Variants in GAN observed in about 807,000 individuals in gnomAD.
GAN encodes epididymis secretory sperm binding protein.
Under a neutral mutation model 71.3 loss-of-function variants are expected in GAN, and 48 were observed. That is an observed-to-expected ratio of 0.67 (90% confidence interval 0.53 to 0.86). The LOEUF is 0.86. Ranked by LOEUF, GAN falls within the 40% of genes least tolerant of loss-of-function variation. The pLI, the probability that GAN is intolerant of heterozygous loss-of-function variation, is 0.00. For synonymous variants in GAN, 386 were observed against 276.8 expected (o/e 1.39, Z -3.92); for missense variants, 928 against 770.1 (o/e 1.21, Z -2.43).
Position 81,353,613 on chromosome 16 carries a change from C to T in GAN, c.283-792C>T, listed in dbSNP as rs538587477. 9.9e-5 allele frequency among the ~76,000 whole-genome samples: 15 copies of T among 152,264 alleles called. 1 individual carries two copies. In the South Asian group the frequency reaches 3.1e-3, roughly 32 times the overall value. On this transcript the variant is annotated intron_variant, in intron 2 of 10. Coordinates refer to ENST00000648994, the MANE Select transcript of GAN (RefSeq NM_022041.4). ...TTGCTATACTCCTCATGAAGTCTCC[C>T]TTGCATTTGCGAATGTGGGTGAAGT...
chr16:81,317,099 C>T (rs1018591311), intron 1 of GAN, among the ~76,000 whole-genome samples: 1 of 152,200 alleles, frequency 6.6e-6, no homozygotes, highest in Non-Finnish European at 1.5e-5. Flanking sequence ...CCTCGTGATC[C>T]GCCCACCTCG....
At chr16:81,357,117 T>C in intron 4 of GAN, 115 bp downstream of exon 4, 1 of 783,546 alleles carries the variant, frequency 1.3e-6, no homozygotes, top group Admixed American at 1.9e-5. Context: ...TTGATTTTTT[T>C]TTTTATACTT....
At chr16:81,353,713 G>C (rs1910384191) in intron 2 of GAN, among the ~76,000 whole-genome samples, 1 of 152,062 alleles carries the variant, frequency 6.6e-6, no homozygotes, top group African/African-American at 2.4e-5. Context: ...ATGCTTTGGA[G>C]CACTGTGAAG....
intron 9 of GAN, among the ~76,000 whole-genome samples, chr16:81,372,990 A>G (rs1478644496): frequency 6.6e-6 from 1 of 152,198 alleles, no homozygotes; most frequent in Non-Finnish European, 1.5e-5. Context: ...TGTTAGTTGA[A>G]TCAAATGTAG....
Position 81,389,558 on chromosome 16 carries a change from C to G in GAN, c.*11962C>G, listed in dbSNP as rs1013274809. On this transcript the variant is annotated 3_prime_UTR_variant, in exon 11 of 11. Transcript: ENST00000648994. ...TGCTCCTCAGGTAGGCGTAGGCAGACTTCATTGTGTGTTAGCAGTGACAGT... is the reference window on the plus strand; with the variant it reads ...TGCTCCTCAGGTAGGCGTAGGCAGAGTTCATTGTGTGTTAGCAGTGACAGT... 1 of 152,228 alleles carries G rather than the reference C, an allele frequency of 6.6e-6. No individual in the cohort carries two copies. The highest frequency in any genetic ancestry group is 2.1e-4 in the South Asian group (1 of 4,830). The allele number at this position is 152,228 out of a possible 1,614,324, so 9.4% of individuals were successfully genotyped here. A position where few individuals can be genotyped will look rare whatever the true frequency, so the allele number is the denominator to read the frequency against.
intron 9 of GAN, among the ~76,000 whole-genome samples, chr16:81,366,507 A>G (rs568077382): frequency 4.6e-5 from 7 of 152,320 alleles, no homozygotes; most frequent in African/African-American, 1.7e-4. Context: ...ATTTTATTAG[A>G]GTAGTTCAGT....
chr16:81,357,110 AT>A (rs111599980), intron 4 of GAN, 108 bp downstream of exon 4: 9,462 of 611,486 alleles, frequency 0.015, no homozygotes, highest in Non-Finnish European at 0.018. Context: ...ATTACATTTG[AT>A]TTTTTTTTTT....
chr16:81,330,894 A>G (rs1023364238), intron 1 of GAN, among the ~76,000 whole-genome samples: 14 of 152,218 alleles, frequency 9.2e-5, no homozygotes, highest in Admixed American at 2.0e-4. Flanking sequence ...CTAAAAATGC[A>G]TAACCTCAGT....
intron 9 of GAN, among the ~76,000 whole-genome samples, chr16:81,374,484 C>T (rs1252883339): frequency 6.6e-6 from 1 of 152,154 alleles, no homozygotes; most frequent in Admixed American, 6.5e-5. Flanking sequence ...TCCCGTCATT[C>T]CTTCTGCATT....
In GAN at chr16:81,390,414, C is replaced by T. The variant is rs992184346; in HGVS notation, c.*12818C>T. Reference sequence around the variant, plus strand: ...TTTTTAAAAGTTGCTTTATGGTTTACAAGTAATACTGATGCAAAAAGGATT... The same window carrying T: ...TTTTTAAAAGTTGCTTTATGGTTTATAAGTAATACTGATGCAAAAAGGATT... On this transcript the variant is annotated 3_prime_UTR_variant, in exon 11 of 11. Transcript: ENST00000648994. 1.3e-5 allele frequency: 2 copies of T among 152,138 alleles called. No homozygotes were observed. The highest frequency in any genetic ancestry group is 2.9e-5 in the Non-Finnish European group (2 of 68,016). 9.4% of individuals were successfully genotyped at this position (152,138 alleles called of 1,614,324 possible). A position where few individuals can be genotyped will look rare whatever the true frequency, so the allele number is the denominator to read the frequency against.
intron 1 of GAN, among the ~76,000 whole-genome samples, chr16:81,349,874 A>G (rs1446347848): frequency 1.3e-5 from 2 of 152,222 alleles, no homozygotes; most frequent in Non-Finnish European, 2.9e-5. Flanking sequence ...CAGGTAACAC[A>G]GTGTCAATCT....
chr16:81,380,270 A>AC lies in GAN; in HGVS notation c.*2676dup, dbSNP rs1904298623. ...ACTTCTTTCTTGATAAGGCACTTTT[A>AC]CCAGGTGTGTGTTGGAATTGGTGGC... On this transcript the variant is annotated 3_prime_UTR_variant, in exon 11 of 11. Coordinates refer to ENST00000648994, the MANE Select transcript of GAN (RefSeq NM_022041.4). 6.6e-6 allele frequency: 1 copy of AC among 152,596 alleles called. No individual in the cohort carries two copies. The allele number at this position is 152,596 out of a possible 1,614,324, so 9.5% of individuals were successfully genotyped here.
intron 4 of GAN, among the ~76,000 whole-genome samples, chr16:81,357,428 A>G (rs1473461100): frequency 6.6e-6 from 1 of 152,162 alleles, no homozygotes; most frequent in Non-Finnish European, 1.5e-5. Context: ...CCTACAAAGG[A>G]CATGAACTCA....
chr16:81,343,309 C>T (rs1910008480), intron 1 of GAN, among the ~76,000 whole-genome samples: 1 of 152,100 alleles, frequency 6.6e-6, no homozygotes, highest in Admixed American at 6.5e-5. Context: ...CTGGGAGAGA[C>T]ACAACAAAAG....
At chr16:81,364,368 C>T (rs1282454362) in intron 7 of GAN, among the ~76,000 whole-genome samples, 3 of 152,168 alleles carry the variant, frequency 2.0e-5, no homozygotes, top group Non-Finnish European at 4.4e-5. Flanking sequence ...CTGCCTCAAG[C>T]AATCCTCCCA....
intron 1 of GAN, among the ~76,000 whole-genome samples, chr16:81,316,203 AG>A (rs1005801619): frequency 6.6e-6 from 1 of 152,132 alleles, no homozygotes; most frequent in Non-Finnish European, 1.5e-5. Context: ...ATAAAAGGAA[AG>A]GGGGGAATGC....
At chr16:81,369,167 A>C (rs922805563) in intron 9 of GAN, among the ~76,000 whole-genome samples, 3 of 152,130 alleles carry the variant, frequency 2.0e-5, no homozygotes, top group African/African-American at 7.2e-5. Flanking sequence ...TCCTCTTTTG[A>C]TTCCTGAATA....
intron 1 of GAN, among the ~76,000 whole-genome samples, chr16:81,347,646 AT>A: frequency 6.6e-6 from 1 of 152,162 alleles, no homozygotes; most frequent in East Asian, 1.9e-4. Context: ...CTGCCACTTG[AT>A]TGATAGTTTG....
chr16:81,336,162 T>G (rs1307124669), intron 1 of GAN, among the ~76,000 whole-genome samples: 2 of 152,140 alleles, frequency 1.3e-5, no homozygotes, highest in East Asian at 3.9e-4. Context: ...GGAGGGCAGC[T>G]CACCTGTAGG....
Sources: allele counts gnomAD v4.1 joint callset (sites outside exome capture counted in the v4.1 genomes callset), GRCh38; gene constraint gnomAD v4.1.1; transcripts MANE v1.5; gene names NCBI Gene and HGNC (gene_info 2026-07-23, HGNC 2026-07-21).